SOX5: variants seen among roughly 807,000 people sequenced by gnomAD.
SOX5 encodes the protein transcription factor SOX-5.
A neutral mutation model predicts 92.0 loss-of-function variants in SOX5; 9 were observed. The ratio of observed to expected loss-of-function variants is 0.10; its 90% CI spans 0.06 to 0.17. The LOEUF (loss-of-function observed/expected upper bound fraction) is 0.17, where lower values mean the gene tolerates loss of function less well. SOX5 is among the 10% of genes least tolerant of loss of function. The pLI is 1.00. For missense variants in SOX5, 642 were observed against 944.5 expected, an observed-to-expected ratio of 0.68 and a Z score of 4.20; for synonymous variants, 344 against 336.3, an observed-to-expected ratio of 1.02 and a Z score of -0.25.
intron 4 of SOX5, among the ~76,000 whole-genome samples, chr12:24,162,469 T>A (rs1467671488): frequency 6.6e-6 from 1 of 152,130 alleles, no homozygotes; most frequent in Non-Finnish European, 1.5e-5. Flanking sequence ...TTGGCACAGA[T>A]TTTCCTCAAA....
In SOX5 at chr12:23,854,220, A is replaced by G. The variant is rs12099535; in HGVS notation, c.271-8027T>C. Among the ~76,000 whole-genome samples, 484 of 152,262 alleles carry G rather than the reference A, an allele frequency of 3.2e-3. 2 individuals are homozygous for G. The highest frequency in any genetic ancestry group is 0.014 in the Middle Eastern group (4 of 294). On this transcript the variant is annotated intron_variant, in intron 2 of 14. Transcript: ENST00000451604. ...CAATAAATGTAGTTTTTTAATACAG[A>G]GCATTCATTCAGTGAAGAAGCTAAA...
At chr12:24,356,842 G>A (rs781220818) in intron 2 of SOX5, among the ~76,000 whole-genome samples, 2 of 152,116 alleles carry the variant, frequency 1.3e-5, no homozygotes, top group Non-Finnish European at 2.9e-5. Context: ...TTGGACTTAA[G>A]TAATGGCAAA....
rs1315063835 is a variant in SOX5 at position 24,243,375 on chromosome 12, A to G, written c.-76-29958T>C. Among the ~76,000 whole-genome samples, 3 of 152,164 alleles carry G rather than the reference A, an allele frequency of 2.0e-5. 1 individual carries two copies. Among genetic ancestry groups the G allele is most frequent in the South Asian group, 4.1e-4 (2 of 4,830 alleles). On this transcript the variant is annotated intron_variant, in intron 3 of 4. Transcript: ENST00000446891. ...TTTTCTGTACATTATGAATGTATAA[A>G]TAACATTCCAATTAGGGTAATGACA... is the stretch of plus-strand genomic sequence containing the variant.
intron 7 of SOX5, among the ~76,000 whole-genome samples, chr12:23,656,318 A>G (rs2082298286): frequency 1.3e-5 from 2 of 152,148 alleles, no homozygotes; most frequent in Non-Finnish European, 2.9e-5. Flanking sequence ...TAACAAACTC[A>G]GAGAGCATTA....
chr12:23,670,187 G>A (rs2084534555), intron 6 of SOX5, among the ~76,000 whole-genome samples: 2 of 152,248 alleles, frequency 1.3e-5, no homozygotes, highest in African/African-American at 4.8e-5. Flanking sequence ...AAAGCAGAAA[G>A]TATTCTAGAG....
chr12:23,851,638 C>G (rs1194327166), intron 2 of SOX5, among the ~76,000 whole-genome samples: 1 of 151,882 alleles, frequency 6.6e-6, no homozygotes, highest in Non-Finnish European at 1.5e-5. Context: ...TTGTCTGAAA[C>G]ATAGCTAATT....
At chr12:24,527,524 T>C (rs2138593049) in intron 1 of SOX5, among the ~76,000 whole-genome samples, 1 of 152,376 alleles carries the variant, frequency 6.6e-6, no homozygotes, top group Non-Finnish European at 1.5e-5. Context: ...AATATGACAC[T>C]GAGACAACAA....
chr12:23,792,631 A>AAAAAAAC (rs2095495131), intron 3 of SOX5, among the ~76,000 whole-genome samples: 1 of 104,722 alleles, frequency 9.5e-6, no homozygotes, highest in Admixed American at 8.5e-5. Flanking sequence ...TCAAAAAAAA[A>AAAAAAAC]AAAAAAAAAA....
At chr12:24,167,069 C>T (rs1171043039) in intron 4 of SOX5, among the ~76,000 whole-genome samples, 1 of 152,156 alleles carries the variant, frequency 6.6e-6, no homozygotes, top group Non-Finnish European at 1.5e-5. Context: ...TGGATGCTAG[C>T]TATCATTAAC....
intron 6 of SOX5, among the ~76,000 whole-genome samples, chr12:23,667,554 T>C (rs747657120): frequency 2.0e-5 from 3 of 152,100 alleles, no homozygotes; most frequent in South Asian, 2.1e-4. Context: ...AGCAACAACA[T>C]AGCCAACATG....
At chr12:24,355,911 G>T (rs1288749136) in intron 2 of SOX5, among the ~76,000 whole-genome samples, 1 of 152,104 alleles carries the variant, frequency 6.6e-6, no homozygotes, top group African/African-American at 2.4e-5. Flanking sequence ...GTACTCCTAA[G>T]AATAAAATGT....
At chr12:24,507,037 GC>G (rs1259478541) in intron 1 of SOX5, among the ~76,000 whole-genome samples, 5 of 151,720 alleles carry the variant, frequency 3.3e-5, no homozygotes, top group Non-Finnish European at 7.4e-5. Context: ...TGATCCGCCC[GC>G]CTCGGCCTCC....
At chr12:23,838,854 G>GGGGGC (rs2096473656) in intron 3 of SOX5, among the ~76,000 whole-genome samples, 1 of 93,544 alleles carries the variant, frequency 1.1e-5, no homozygotes, top group African/African-American at 3.9e-5. Flanking sequence ...GGGGGGGGGG[G>GGGGGC]GCGGGGATGG....
chr12:23,790,238 CTCT>C (rs1179267947), intron 3 of SOX5, among the ~76,000 whole-genome samples: 1 of 152,024 alleles, frequency 6.6e-6, no homozygotes, highest in South Asian at 2.1e-4. Flanking sequence ...ATTATTATTT[CTCT>C]TCATTTACAT....
chr12:24,369,272 A>G (rs929117041), intron 1 of SOX5, among the ~76,000 whole-genome samples: 2 of 152,184 alleles, frequency 1.3e-5, no homozygotes, highest in Admixed American at 1.3e-4. Flanking sequence ...GGCTTTGGCC[A>G]CTGAACAGTC....
intron 1 of SOX5, among the ~76,000 whole-genome samples, chr12:24,539,528 T>C (rs532032190): frequency 6.6e-6 from 1 of 152,200 alleles, no homozygotes; most frequent in South Asian, 2.1e-4. Context: ...ATTCTTAAAA[T>C]ATAGACATTT....
Position 23,640,875 on chromosome 12 carries a change from C to T in SOX5, c.954G>A (p.Leu318=), listed in dbSNP as rs1428510547. Residue 318 remains leucine, a synonymous_variant, in exon 8 of 15, where the codon CTG becomes CTA. Transcript: ENST00000451604. The part of the protein sequence containing the change: ...AGCSDPYPVQ[L]IPTTMAAAAA... ...CAGCAGCTGCCATGGTAGTTGGGAT[C>T]AGCTGAACAGGGTAAGGGTCACCTA... 1.2e-6 allele frequency: 2 copies of T among 1,613,708 alleles called. No homozygotes were observed. The highest frequency in any genetic ancestry group is 1.3e-5 in the African/African-American group (1 of 74,936).
chr12:24,268,434 G>A (rs183144286), intron 3 of SOX5, among the ~76,000 whole-genome samples: 29 of 152,108 alleles, frequency 1.9e-4, no homozygotes, highest in Admixed American at 1.8e-3. Context: ...AAAAAAAGGA[G>A]TCTTACTCAA....
At chr12:24,044,362 T>C (rs1362724775) in intron 4 of SOX5, among the ~76,000 whole-genome samples, 1 of 152,168 alleles carries the variant, frequency 6.6e-6, no homozygotes, top group Non-Finnish European at 1.5e-5. Flanking sequence ...GCACAGGGTA[T>C]AGTAAGTGCC....
Sources: gnomAD v4.1 joint callset for allele counts (sites outside exome capture counted in the v4.1 genomes callset) on GRCh38, gnomAD v4.1.1 for gene constraint, MANE v1.5 for transcripts, NCBI Gene and HGNC (gene_info 2026-07-23, HGNC 2026-07-21) for gene names.